SLC25A26: variants seen among roughly 807,000 people sequenced by gnomAD.
SLC25A26 encodes mitochondrial S-adenosylmethionine carrier protein.
SLC25A26 carries 36 observed loss-of-function variants against 37.8 expected under a neutral mutation model. The observed-to-expected ratio is 0.95, with a 90% CI of 0.73 to 1.26. The LOEUF (loss-of-function observed/expected upper bound fraction) is 1.26. SLC25A26 is among the 50% of genes most tolerant of loss of function. SLC25A26 has a pLI of 0.00. For synonymous variants in SLC25A26, 129 were observed against 122.5 expected (o/e 1.05, Z -0.35); for missense variants, 390 against 331.1 (o/e 1.18, Z -1.38).
intron 1 of SLC25A26, among the ~76,000 whole-genome samples, chr3:66,149,022 T>C (rs1028811172): frequency 6.6e-6 from 1 of 152,140 alleles, no homozygotes; most frequent in Admixed American, 6.5e-5. Flanking sequence ...TCCCCAACAC[T>C]GTAGGATGTA....
chr3:66,352,410 C>T (rs1469597508), intron 6 of SLC25A26, among the ~76,000 whole-genome samples: 3 of 150,078 alleles, frequency 2.0e-5, no homozygotes, highest in Admixed American at 6.6e-5. Flanking sequence ...TGCTGCCTAG[C>T]GCCTCCCCTC....
intron 1 of SLC25A26, among the ~76,000 whole-genome samples, chr3:66,161,441 A>G (rs2070357297): frequency 6.6e-6 from 1 of 152,190 alleles, no homozygotes; most frequent in Admixed American, 6.5e-5. Context: ...TGATCCAGAA[A>G]TGGTGAGCCA....
intron 5 of SLC25A26, among the ~76,000 whole-genome samples, chr3:66,344,761 T>C (rs1330710421): frequency 1.3e-5 from 2 of 152,230 alleles, no homozygotes; most frequent in African/African-American, 4.8e-5. Context: ...TTAGGAAATA[T>C]GACATGGGTG....
chr3:66,192,185 G>A (rs1024045343), intron 1 of SLC25A26, among the ~76,000 whole-genome samples: 77 of 151,254 alleles, frequency 5.1e-4, no homozygotes, highest in African/African-American at 1.5e-3. Context: ...GTGTGGTGGT[G>A]GGTGCCTGTA....
chr3:66,231,615 GT>G (rs2072035603), intron 1 of SLC25A26, among the ~76,000 whole-genome samples: 1 of 151,998 alleles, frequency 6.6e-6, no homozygotes, highest in Non-Finnish European at 1.5e-5. Context: ...GCAATTTACT[GT>G]TTATGTTCCA....
At chr3:66,235,242 GT>G (rs2072218585) in intron 1 of SLC25A26, among the ~76,000 whole-genome samples, 1 of 152,028 alleles carries the variant, frequency 6.6e-6, no homozygotes, top group Non-Finnish European at 1.5e-5. Flanking sequence ...GTCAATTTCT[GT>G]TTTCTTTGAC....
Position 66,236,710 on chromosome 3 carries a change from T to A in SLC25A26, c.190+10T>A. The A allele has an allele frequency of 2.0e-6, 3 of 1,497,660 alleles. No homozygotes were observed. The highest frequency in any genetic ancestry group is 2.7e-6 in the Non-Finnish European group (3 of 1,118,124). 92.8% of individuals were successfully genotyped at this position (1,497,660 alleles called of 1,614,324 possible). A position where few individuals can be genotyped will look rare whatever the true frequency, so the allele number is the denominator to read the frequency against. On this transcript the variant is annotated intron_variant, in intron 2 of 9. Transcript: ENST00000354883. ...GGATCCTTTCCTAATGGTAAAAAAT[T>A]ATATTCTCACTTCTGTAAAGCCAAG...
chr3:66,299,243 G>A (rs775920908), intron 5 of SLC25A26, among the ~76,000 whole-genome samples: 8 of 152,132 alleles, frequency 5.3e-5, no homozygotes, highest in African/African-American at 9.7e-5. Context: ...CCAGGCTGGA[G>A]TGCAGTGGCA....
At chr3:66,158,667 A>G (rs149041033) in intron 1 of SLC25A26, among the ~76,000 whole-genome samples, 193 of 152,256 alleles carry the variant, frequency 1.3e-3, no homozygotes, top group African/African-American at 4.2e-3. Context: ...CATTGAGTTC[A>G]TAGATTGTTA....
intron 1 of SLC25A26, among the ~76,000 whole-genome samples, chr3:66,182,717 G>T (rs867212794): frequency 6.2e-4 from 1 of 1,618 alleles, no homozygotes; most frequent in Non-Finnish European, 1.6e-3. Context: ...AGTGGGCGGC[G>T]GGGGGGGGGG....
intron 2 of SLC25A26, among the ~76,000 whole-genome samples, chr3:66,239,269 T>A (rs1332155216): frequency 6.6e-6 from 1 of 152,082 alleles, no homozygotes; most frequent in Non-Finnish European, 1.5e-5. Context: ...CCAACCTTTT[T>A]TTTTTTTTGC....
intron 5 of SLC25A26, among the ~76,000 whole-genome samples, chr3:66,345,498 C>A (rs1364268909): frequency 6.7e-6 from 1 of 149,678 alleles, no homozygotes; most frequent in South Asian, 2.2e-4. Flanking sequence ...CTCTCTGCCC[C>A]CCTACCCTCT....
chr3:66,141,547 C>G (rs1321119095), intron 1 of SLC25A26, among the ~76,000 whole-genome samples: 1 of 149,020 alleles, frequency 6.7e-6, no homozygotes, highest in Non-Finnish European at 1.5e-5. Flanking sequence ...GAGTCTTATT[C>G]TGTCACCCAG....
intron 5 of SLC25A26, among the ~76,000 whole-genome samples, chr3:66,307,645 T>G (rs1159459401): frequency 6.6e-6 from 1 of 152,182 alleles, no homozygotes; most frequent in East Asian, 1.9e-4. Flanking sequence ...AGGTCTTACG[T>G]TTAAGTCTTA....
chr3:66,203,702 C>T (rs2071137960), intron 1 of SLC25A26, among the ~76,000 whole-genome samples: 1 of 152,156 alleles, frequency 6.6e-6, no homozygotes, highest in Non-Finnish European at 1.5e-5. Flanking sequence ...TTTAAAGATG[C>T]TAATTATTTT....
At chr3:66,195,846 G>A (rs2071037259) in intron 1 of SLC25A26, among the ~76,000 whole-genome samples, 1 of 152,166 alleles carries the variant, frequency 6.6e-6, no homozygotes, top group Non-Finnish European at 1.5e-5. Context: ...AAAATATTTG[G>A]TAAATTTACA....
At position 66,226,242 on chromosome 3, in the gene SLC25A26, A is replaced by C. The variant is rs146523352; in HGVS notation, c.33+5115A>C. On this transcript the variant is annotated intron_variant, in intron 1 of 9. Coordinates refer to ENST00000354883, the MANE Select transcript of SLC25A26 (RefSeq NM_001379210.1). ...CATGGTAGAAGGCAAAGGAGGAGCAAAGTCACGTCTTACATGGCTGCAGAT... is the reference window on the plus strand; with the variant it reads ...CATGGTAGAAGGCAAAGGAGGAGCACAGTCACGTCTTACATGGCTGCAGAT... Among the ~76,000 whole-genome samples, 397 of 152,264 alleles carry C rather than the reference A, an allele frequency of 2.6e-3. 1 individual carries two copies. Among genetic ancestry groups the C allele is most frequent in the African/African-American group, 8.9e-3 (370 of 41,566 alleles).
Position 66,209,898 on chromosome 3 carries a change from T to TTTTATATATATATATATATA in SLC25A26, c.-353-10843_-353-10842insTTATATATATATATATATAT, listed in dbSNP as rs1553656263. Among the ~76,000 whole-genome samples, 8 of 38,616 alleles carry TTTTATATATATATATATATA rather than the reference T, an allele frequency of 2.1e-4. 1 individual carries two copies. The highest frequency in any genetic ancestry group is 4.0e-4 in the Non-Finnish European group (8 of 19,910). 25.3% of individuals were successfully genotyped at this position (38,616 alleles called of 152,430 possible). A position where few individuals can be genotyped will look rare whatever the true frequency, so the allele number is the denominator to read the frequency against. Reference sequence around the variant, plus strand: ...TATACTCCTCTCTCTCTCTCTCTATTTATATATATATATATATATATATAT... The same window carrying TTTTATATATATATATATATA: ...TATACTCCTCTCTCTCTCTCTCTATTTTTATATATATATATATATATATATATATATATATATATATATAT... On this transcript the variant is annotated intron_variant, in intron 1 of 10. Transcript: ENST00000676754.
chr3:66,171,604 C>T (rs181136718), intron 1 of SLC25A26, among the ~76,000 whole-genome samples: 2 of 152,238 alleles, frequency 1.3e-5, no homozygotes, highest in East Asian at 1.9e-4. Flanking sequence ...TTTCTCATGC[C>T]TCAGCCTCCC....
Sources: allele counts gnomAD v4.1 joint callset (sites outside exome capture counted in the v4.1 genomes callset), GRCh38; gene constraint gnomAD v4.1.1; transcripts MANE v1.5; gene names NCBI Gene and HGNC (gene_info 2026-07-23, HGNC 2026-07-21).